MIDEAS: variants seen among roughly 807,000 people sequenced by gnomAD.
MIDEAS encodes mitotic deacetylase-associated SANT domain protein.
Under a neutral mutation model 102.7 loss-of-function variants are expected in MIDEAS, and 26 were observed. That is an observed-to-expected ratio of 0.25 (90% CI 0.19 to 0.35). The LOEUF (loss-of-function observed/expected upper bound fraction) is 0.35, where lower values mean the gene tolerates loss of function less well. Ranked by LOEUF, MIDEAS falls within the 10% of genes least tolerant of loss-of-function variation. The pLI, the probability that MIDEAS is intolerant of heterozygous loss-of-function variation, is 1.00. For missense variants in MIDEAS, 1,231 were observed against 1,435.6 expected (o/e 0.86, Z 2.30); for synonymous variants, 585 against 591.0 (o/e 0.99, Z 0.15).
chr14:73,779,679 G>A (rs1238462375), intron 1 of MIDEAS, among the ~76,000 whole-genome samples: 9 of 136,428 alleles, frequency 6.6e-5, no homozygotes, highest in East Asian at 2.4e-4. Context: ...CCGGGTTCAC[G>A]CCATTCTCCT....
chr14:73,738,671 T>C lies in MIDEAS; in HGVS notation c.1338A>G (p.Leu446=), dbSNP rs1398665143. 6.2e-7 allele frequency: 1 copy of C among 1,613,740 alleles called. No homozygotes were observed. The highest frequency in any genetic ancestry group is 1.3e-5 in the African/African-American group (1 of 74,956). The change falls in exon 2 of 13, where the codon CTA becomes CTG. Residue 446 remains leucine (L), a synonymous_variant. Coordinates refer to ENST00000423556, the MANE Select transcript of MIDEAS (RefSeq NM_001367710.1). ...GCGTGCTCTGGATCACTCCGCCCCGTAGCACCTGCCCACAGTCCCCTGTGC... is the reference window on the plus strand; with the variant it reads ...GCGTGCTCTGGATCACTCCGCCCCGCAGCACCTGCCCACAGTCCCCTGTGC... ...AVSTGDCGQV[L]RGGVIQSTRR... is the part of the protein sequence containing the mutation.
At chr14:73,748,365 A>G (rs185612793) in intron 1 of MIDEAS, among the ~76,000 whole-genome samples, 8 of 152,288 alleles carry the variant, frequency 5.3e-5, no homozygotes, top group Admixed American at 1.3e-4. Flanking sequence ...TCAGAGATAT[A>G]AATAGGTTGA....
At chr14:73,782,199 A>G (rs970126928) in intron 1 of MIDEAS, among the ~76,000 whole-genome samples, 5 of 152,228 alleles carry the variant, frequency 3.3e-5, no homozygotes, top group African/African-American at 1.2e-4. Flanking sequence ...GACTGGCTAA[A>G]GGCAACACAG....
chr14:73,744,248 A>G (rs1460523393), intron 1 of MIDEAS, among the ~76,000 whole-genome samples: 2 of 152,198 alleles, frequency 1.3e-5, no homozygotes, highest in East Asian at 3.8e-4. Flanking sequence ...GGCTGACCCC[A>G]GGAGAAGCCA....
intron 4 of MIDEAS, chr14:73,727,728 TCA>T (rs2053083527): frequency 1.8e-6 from 1 of 554,594 alleles, no homozygotes; most frequent in Non-Finnish European, 3.2e-6. Context: ...GCCTCAGTTT[TCA>T]CACTCACCAA....
At chr14:73,753,984 AGAGG>A (rs921638004) in intron 1 of MIDEAS, among the ~76,000 whole-genome samples, 1 of 152,208 alleles carries the variant, frequency 6.6e-6, no homozygotes, top group African/African-American at 2.4e-5. Context: ...TGCGATGGCC[AGAGG>A]GAGGCTGAGG....
intron 4 of MIDEAS, chr14:73,729,246 A>G (rs1183272499): frequency 5.9e-6 from 1 of 170,468 alleles, no homozygotes; most frequent in Admixed American, 5.8e-5. Context: ...AATGCACCTG[A>G]GCCTAGGAAG....
At chr14:73,749,746 A>G (rs878858048) in intron 1 of MIDEAS, among the ~76,000 whole-genome samples, 1 of 152,136 alleles carries the variant, frequency 6.6e-6, no homozygotes, top group Admixed American at 6.5e-5. Context: ...CAATAACCGA[A>G]GGAAATTTGG....
At chr14:73,736,610 G>A (rs1467733252) in intron 3 of MIDEAS, among the ~76,000 whole-genome samples, 4 of 140,052 alleles carry the variant, frequency 2.9e-5, no homozygotes, top group African/African-American at 5.6e-5. Context: ...CAGCCTGGGT[G>A]ACAGAGCAAG....
rs2052877403 is a variant in MIDEAS at position 73,715,787 on chromosome 14, G to A, written c.*3056C>T. On this transcript the variant is annotated 3_prime_UTR_variant, in exon 13 of 13. Transcript: ENST00000423556. ...ATGAGAAGAAAGAGGTTAGGTCACTGAGGCAGTTAAATATAGGTGATCCCT... is the reference window on the plus strand; with the variant it reads ...ATGAGAAGAAAGAGGTTAGGTCACTAAGGCAGTTAAATATAGGTGATCCCT... The A allele has an allele frequency of 6.6e-6, 1 of 152,636 alleles. No individual in the cohort carries two copies. 9.5% of individuals were successfully genotyped at this position (152,636 alleles called of 1,614,324 possible).
At chr14:73,724,286 G>T (rs1363624796) in intron 9 of MIDEAS, 1 of 152,242 alleles carries the variant, frequency 6.6e-6, no homozygotes, top group East Asian at 1.9e-4. Flanking sequence ...TGTCCAGAGA[G>T]GCCAGGGGTC....
At chr14:73,757,579 G>A (rs967356312) in intron 1 of MIDEAS, among the ~76,000 whole-genome samples, 16 of 152,180 alleles carry the variant, frequency 1.1e-4, no homozygotes, top group African/African-American at 3.9e-4. Context: ...GGATAAGCTG[G>A]AAACCCCCAG....
chr14:73,788,154 T>C (rs990696014), upstream of MIDEAS, among the ~76,000 whole-genome samples: 4 of 134,506 alleles, frequency 3.0e-5, no homozygotes, highest in African/African-American at 1.2e-4. Flanking sequence ...CCTTTGCTGG[T>C]GAAAAAAAAA....
chr14:73,758,849 C>G (rs960188122), intron 1 of MIDEAS: 2 of 154,492 alleles, frequency 1.3e-5, no homozygotes, highest in South Asian at 2.0e-4. Context: ...CCAGGGCACA[C>G]GAAGTTCCCC....
intron 4 of MIDEAS, chr14:73,727,799 C>T: frequency 7.4e-6 from 3 of 404,992 alleles, no homozygotes; most frequent in Non-Finnish European, 1.3e-5. Flanking sequence ...AAATAATGCA[C>T]AGAGCCTGGC....
intron 1 of MIDEAS, among the ~76,000 whole-genome samples, chr14:73,758,021 C>A (rs1030269100): frequency 2.6e-5 from 4 of 152,102 alleles, no homozygotes; most frequent in Non-Finnish European, 5.9e-5. Context: ...AGCAAGCTGG[C>A]AAGCTGTATG....
At chr14:73,741,062 G>A (rs2053275414) in intron 1 of MIDEAS, among the ~76,000 whole-genome samples, 1 of 152,198 alleles carries the variant, frequency 6.6e-6, no homozygotes, top group African/African-American at 2.4e-5. Context: ...CAGGATCCAG[G>A]CCAAGAGCTG....
Position 73,725,918 on chromosome 14 carries a change from C to G in MIDEAS, c.2485+115G>C. The stretch of plus-strand genomic sequence containing the variant: ...TCCCTCACTCTGACTCTTGGCTTAT[C>G]TACCCTCCTCCTCCCGCCCCCACCC... On this transcript the variant is annotated intron_variant, in intron 8 of 12. Coordinates refer to ENST00000423556, the MANE Select transcript of MIDEAS (RefSeq NM_001367710.1). The surrounding 1 kb of genome is among the most constrained non-coding windows in gnomAD (Gnocchi z 4.1). The G allele has an allele frequency of 2.2e-6, 2 of 906,664 alleles. No individual in the cohort carries two copies. The highest frequency in any genetic ancestry group is 3.5e-6 in the Non-Finnish European group (2 of 574,562). 56.2% of individuals were successfully genotyped at this position (906,664 alleles called of 1,614,324 possible). A position where few individuals can be genotyped will look rare whatever the true frequency, so the allele number is the denominator to read the frequency against.
At chr14:73,786,632 AG>A (rs1453018766) in intron 1 of MIDEAS, among the ~76,000 whole-genome samples, 1 of 152,238 alleles carries the variant, frequency 6.6e-6, no homozygotes, top group Non-Finnish European at 1.5e-5. Context: ...TCTTCGTCCC[AG>A]GAAGGCCAAG....
Sources: gnomAD v4.1 joint callset for allele counts (sites outside exome capture counted in the v4.1 genomes callset) on GRCh38, gnomAD v4.1.1 for gene constraint, Gnocchi (gnomAD v3.1) non-coding constraint, MANE v1.5 for transcripts, NCBI Gene and HGNC (gene_info 2026-07-23, HGNC 2026-07-21) for gene names.